Variants in SNTG1 observed in about 807,000 individuals in gnomAD.
SNTG1 encodes the protein syntrophin gamma 1, also known as gamma-1-syntrophin.
A neutral mutation model predicts 74.7 loss-of-function variants in SNTG1; 39 were observed. The ratio of observed to expected loss-of-function variants is 0.52; its 90% confidence interval spans 0.40 to 0.68. SNTG1 has a LOEUF of 0.68. SNTG1 is among the 30% of genes least tolerant of loss of function. SNTG1 has a pLI of 0.00. For synonymous variants in SNTG1, 254 were observed against 217.1 expected, an observed-to-expected ratio of 1.17 and a Z score of -1.49; for missense variants, 685 against 609.5, an observed-to-expected ratio of 1.12 and a Z score of -1.30.
chr8:50,088,750 A>G (rs1215324313), intron 1 of SNTG1, among the ~76,000 whole-genome samples: 15 of 148,538 alleles, frequency 1.0e-4, no homozygotes, highest in African/African-American at 2.9e-4. Flanking sequence ...TCAAGGAAAT[A>G]ACAGAGGATA....
chr8:50,123,282 T>C (rs191568813), intron 1 of SNTG1, among the ~76,000 whole-genome samples: 1 of 142,832 alleles, frequency 7.0e-6, no homozygotes, highest in Admixed American at 7.2e-5. Flanking sequence ...CATAAAAGCA[T>C]AGATATTTAA....
At chr8:50,482,982 G>C (rs1202366294) in intron 8 of SNTG1, among the ~76,000 whole-genome samples, 2 of 152,106 alleles carry the variant, frequency 1.3e-5, no homozygotes, top group African/African-American at 4.8e-5. Context: ...TGCCCTTTGG[G>C]ACTCTCTTGG....
intron 12 of SNTG1, among the ~76,000 whole-genome samples, chr8:50,574,065 C>A (rs916997810): frequency 6.6e-6 from 1 of 151,982 alleles, no homozygotes; most frequent in Admixed American, 6.6e-5. Flanking sequence ...CCTGTAACAT[C>A]TCAACCCATT....
chr8:50,554,502 C>T (rs1392525595), intron 12 of SNTG1, among the ~76,000 whole-genome samples: 3 of 149,354 alleles, frequency 2.0e-5, no homozygotes, highest in Admixed American at 2.0e-4. Context: ...CTGGTGGTTC[C>T]AGGATAGGTG....
At chr8:50,657,231 T>TA (rs1442051897) in intron 14 of SNTG1, among the ~76,000 whole-genome samples, 3 of 152,184 alleles carry the variant, frequency 2.0e-5, no homozygotes, top group Non-Finnish European at 4.4e-5. Context: ...GTCTGGAACT[T>TA]ACTTCTTTAT....
At chr8:50,442,680 TAA>T (rs5891365) in intron 5 of SNTG1, among the ~76,000 whole-genome samples, 6,368 of 81,088 alleles carry the variant, frequency 0.079, 351 homozygotes, top group African/African-American at 0.18. Context: ...TGTCTATCAG[TAA>T]AAAAAAAAAA....
intron 13 of SNTG1, among the ~76,000 whole-genome samples, chr8:50,637,662 G>A (rs183483862): frequency 1.3e-5 from 2 of 152,064 alleles, no homozygotes; most frequent in Admixed American, 6.6e-5. Context: ...AGGATTGGAT[G>A]CATTATCTTA....
intron 4 of SNTG1, among the ~76,000 whole-genome samples, chr8:50,417,323 A>C (rs1163571865): frequency 6.6e-6 from 1 of 152,140 alleles, no homozygotes; most frequent in Non-Finnish European, 1.5e-5. Flanking sequence ...GTATATTCTG[A>C]GACTTAGCGA....
At chr8:50,558,330 C>G (rs1372751383) in intron 12 of SNTG1, among the ~76,000 whole-genome samples, 1 of 152,140 alleles carries the variant, frequency 6.6e-6, no homozygotes, top group Admixed American at 6.5e-5. Context: ...GCTGTTGGCT[C>G]GCAGAGGCCT....
intron 13 of SNTG1, among the ~76,000 whole-genome samples, chr8:50,652,153 A>G (rs2095151265): frequency 6.6e-6 from 1 of 152,156 alleles, no homozygotes; most frequent in South Asian, 2.1e-4. Context: ...TTGCTCTCTC[A>G]TTTCATTCTA....
At chr8:50,195,376 G>C (rs1454223122) in intron 2 of SNTG1, among the ~76,000 whole-genome samples, 2 of 152,008 alleles carry the variant, frequency 1.3e-5, no homozygotes, top group Non-Finnish European at 2.9e-5. Context: ...CCTTCCAGCT[G>C]TGAAAGAAAA....
intron 2 of SNTG1, among the ~76,000 whole-genome samples, chr8:50,278,560 G>C (rs2088247783): frequency 1.3e-5 from 2 of 152,108 alleles, no homozygotes; most frequent in Non-Finnish European, 2.9e-5. Flanking sequence ...TGTTTAGGCT[G>C]TTATAGGTGG....
chr8:50,633,593 C>T (rs889350158), intron 13 of SNTG1, among the ~76,000 whole-genome samples: 62 of 152,290 alleles, frequency 4.1e-4, no homozygotes, highest in African/African-American at 1.4e-3. Context: ...TGCCTTACTA[C>T]CTTGACCCCA....
chr8:50,487,137 G>A (rs1563459426), intron 8 of SNTG1, among the ~76,000 whole-genome samples: 1 of 152,144 alleles, frequency 6.6e-6, no homozygotes, highest in Non-Finnish European at 1.5e-5. Context: ...ACCACAGTGA[G>A]ATACCATCTC....
intron 11 of SNTG1, among the ~76,000 whole-genome samples, chr8:50,548,841 T>G (rs111316266): frequency 0.025 from 3,803 of 152,298 alleles, 149 homozygotes; most frequent in African/African-American, 0.086. Context: ...ATACAACTGG[T>G]ATTTTTAACG....
At chr8:50,763,177 A>T (rs1175598045) in intron 18 of SNTG1, among the ~76,000 whole-genome samples, 1 of 151,776 alleles carries the variant, frequency 6.6e-6, no homozygotes, top group Non-Finnish European at 1.5e-5. Flanking sequence ...AATTTTGGGG[A>T]CAGTGGTTTT....
At chr8:50,332,898 C>G (rs533902966) in intron 2 of SNTG1, among the ~76,000 whole-genome samples, 1 of 152,148 alleles carries the variant, frequency 6.6e-6, no homozygotes, top group Non-Finnish European at 1.5e-5. Context: ...AGTACAATTA[C>G]TTTGTTCTCA....
chr8:50,594,357 A>G (rs1231836149), intron 13 of SNTG1, among the ~76,000 whole-genome samples: 2 of 152,170 alleles, frequency 1.3e-5, no homozygotes, highest in Non-Finnish European at 2.9e-5. Flanking sequence ...AGTTTCTTCT[A>G]TAATTACCTG....
intron 1 of SNTG1, among the ~76,000 whole-genome samples, chr8:49,991,738 A>G (rs1039238963): frequency 1.3e-5 from 2 of 152,192 alleles, no homozygotes; most frequent in African/African-American, 4.8e-5. Flanking sequence ...CCATTTATAT[A>G]TAATGTCCAG....
Sources: gnomAD v4.1 joint callset for allele counts (sites outside exome capture counted in the v4.1 genomes callset) on GRCh38, gnomAD v4.1.1 for gene constraint, MANE v1.5 for transcripts, NCBI Gene and HGNC (gene_info 2026-07-23, HGNC 2026-07-21) for gene names.